FAM193B: variants seen among roughly 807,000 people sequenced by gnomAD.
FAM193B encodes the protein family with sequence similarity 193 member B.
FAM193B carries 27 observed loss-of-function variants against 70.7 expected under a neutral mutation model. The observed-to-expected ratio is 0.38, with a 90% CI of 0.28 to 0.53. The LOEUF is 0.53. Ranked by LOEUF, FAM193B falls within the 20% of genes least tolerant of loss-of-function variation. The pLI, the probability that FAM193B is intolerant of heterozygous loss-of-function variation, is 0.81. For missense variants in FAM193B, 1,022 were observed against 1,072.5 expected (o/e 0.95, Z 0.66); for synonymous variants, 448 against 436.0 (o/e 1.03, Z -0.34).
intron 4 of FAM193B, among the ~76,000 whole-genome samples, chr5:177,534,765 T>G (rs1763979395): frequency 1.3e-5 from 2 of 152,168 alleles, no homozygotes; most frequent in Admixed American, 6.5e-5. Flanking sequence ...ACTAGAGGCA[T>G]GCACATTATG....
At position 177,541,743 on chromosome 5, in the gene FAM193B, A is replaced by G. The variant is rs778264072; in HGVS notation, c.211-2596T>C. On this transcript the variant is annotated intron_variant, in intron 1 of 8. Coordinates refer to ENST00000514747, the MANE Select transcript of FAM193B (RefSeq NM_001190946.3). Reference sequence around the variant, plus strand: ...CTGAAATTCTTTATGTGGCCTATAAAGCACAATATACAGTCATCCCTTAGT... The same window carrying G: ...CTGAAATTCTTTATGTGGCCTATAAGGCACAATATACAGTCATCCCTTAGT... Among the ~76,000 whole-genome samples the G allele has an allele frequency of 5.3e-5, 8 of 152,138 alleles. No homozygotes were observed. The South Asian group carries it at 8.3e-4, about 16-fold the overall frequency.
Position 177,554,365 on chromosome 5 carries a change from G to A in FAM193B, c.94C>T (p.Pro32Ser), listed in dbSNP as rs971978846. 2.5e-5 allele frequency: 31 copies of A among 1,218,258 alleles called. No homozygotes were observed. The highest frequency in any genetic ancestry group is 3.2e-5 in the African/African-American group (2 of 63,312). 75.5% of individuals were successfully genotyped at this position (1,218,258 alleles called of 1,614,324 possible). A position where few individuals can be genotyped will look rare whatever the true frequency, so the allele number is the denominator to read the frequency against. Residue 32 changes from proline to serine, a missense_variant, in exon 1 of 9, where the codon CCG (proline) becomes TCG (serine). Transcript: ENST00000514747. ...CCCGCCTCCAGGCTTGGCGGCGGCG[G>A]GGGCTCGGGCGCCTGGGGCTTCTGC... is the stretch of plus-strand genomic sequence containing the variant. ...GPQKPQAPEP[P>S]PPPSLEAGAG...
chr5:177,543,930 C>T (rs1765133393), intron 1 of FAM193B, among the ~76,000 whole-genome samples: 1 of 152,232 alleles, frequency 6.6e-6, no homozygotes, highest in African/African-American at 2.4e-5. Flanking sequence ...TTTTCTTCAT[C>T]ACAAAGGCTG....
At chr5:177,535,848 T>G (rs1764099890) in intron 4 of FAM193B, among the ~76,000 whole-genome samples, 1 of 152,204 alleles carries the variant, frequency 6.6e-6, no homozygotes, top group Non-Finnish European at 1.5e-5. Context: ...GAAGACATTT[T>G]TTTCCTTATA....
chr5:177,531,224 T>C, intron 5 of FAM193B: 2 of 1,210,764 alleles, frequency 1.7e-6, no homozygotes, highest in Non-Finnish European at 2.1e-6. Flanking sequence ...GTCCTGGGGG[T>C]TGGGGCGAGG....
chr5:177,532,406 G>C lies in FAM193B; in HGVS notation c.1275+37C>G, dbSNP rs769460780. 2.5e-6 allele frequency: 4 copies of C among 1,581,082 alleles called. No individual in the cohort carries two copies. The South Asian group carries it at 3.5e-5, about 14-fold the overall frequency. On this transcript the variant is annotated intron_variant, in intron 5 of 8. Transcript: ENST00000514747. The surrounding 1 kb of genome is among the most constrained non-coding windows in gnomAD (Gnocchi z 4.9). ...GTGCTCCTTTTGCTCACCTTGGCTGGCCCCCAGCCCTCTCTAGCCTGGGCA... is the reference window on the plus strand; with the variant it reads ...GTGCTCCTTTTGCTCACCTTGGCTGCCCCCCAGCCCTCTCTAGCCTGGGCA...
At chr5:177,548,191 T>G (rs1011158639) in intron 1 of FAM193B, among the ~76,000 whole-genome samples, 6 of 152,224 alleles carry the variant, frequency 3.9e-5, no homozygotes, top group African/African-American at 1.4e-4. Flanking sequence ...ATCCTAACAC[T>G]CTTTTGTTTA....
At chr5:177,552,836 C>T (rs1766463307) in intron 1 of FAM193B, among the ~76,000 whole-genome samples, 1 of 152,180 alleles carries the variant, frequency 6.6e-6, no homozygotes, top group Non-Finnish European at 1.5e-5. Flanking sequence ...ATCTGAGACA[C>T]AAAGGAAATC....
chr5:177,538,859 G>A lies in FAM193B; in HGVS notation c.453+46C>T, dbSNP rs1764506293. The A allele has an allele frequency of 6.2e-7, 1 of 1,606,372 alleles. No homozygotes were observed. Among genetic ancestry groups the A allele is most frequent in the Admixed American group, 1.7e-5 (1 of 59,780 alleles). On this transcript the variant is annotated intron_variant, in intron 2 of 8. Transcript: ENST00000514747. The surrounding 1 kb of genome is among the most constrained non-coding windows in gnomAD (Gnocchi z 4.1). ...ACAGGGAACAGCCTGACTTCCTTGG[G>A]GAGGAGCCCTCCTGCATTCAGGGAC...
At position 177,536,234 on chromosome 5, in the gene FAM193B, T is replaced by C. The variant is rs770270520; in HGVS notation, c.1076+124A>G. On this transcript the variant is annotated intron_variant, in intron 4 of 8. Transcript: ENST00000514747. ...GGCCAAAACACATACTTCTTTACAA[T>C]TGAAAAATAATGAAAGGAAAGACAT... The C allele has an allele frequency of 4.3e-4, 481 of 1,128,106 alleles. 1 individual carries two copies. The highest frequency in any genetic ancestry group is 3.5e-4 in the Non-Finnish European group (272 of 787,332). The allele number at this position is 1,128,106 out of a possible 1,614,324, so 69.9% of individuals were successfully genotyped here.
At chr5:177,551,217 T>A (rs928168805) in intron 1 of FAM193B, among the ~76,000 whole-genome samples, 1 of 152,266 alleles carries the variant, frequency 6.6e-6, no homozygotes, top group Non-Finnish European at 1.5e-5. Context: ...AATCCAAGTC[T>A]CTAAACACTA....
intron 3 of FAM193B, 35 bp downstream of exon 3, chr5:177,537,838 T>C (rs748664313): frequency 9.5e-6 from 15 of 1,578,390 alleles, no homozygotes; most frequent in Admixed American, 5.5e-5. Context: ...TCCACATTTA[T>C]AGGGCCTGGC....
At chr5:177,523,475 C>T (rs1191198763) in intron 7 of FAM193B, among the ~76,000 whole-genome samples, 1 of 152,102 alleles carries the variant, frequency 6.6e-6, no homozygotes, top group African/African-American at 2.4e-5. Context: ...ACCTTTTCAT[C>T]TTATCTGGCC....
intron 1 of FAM193B, among the ~76,000 whole-genome samples, chr5:177,550,052 C>T (rs1447818571): frequency 6.6e-6 from 1 of 152,078 alleles, no homozygotes; most frequent in East Asian, 1.9e-4. Context: ...TAGTGGCATG[C>T]ACATGTAGTC....
At chr5:177,551,548 T>C (rs1355906195) in intron 1 of FAM193B, among the ~76,000 whole-genome samples, 2 of 152,238 alleles carry the variant, frequency 1.3e-5, no homozygotes, top group Non-Finnish European at 2.9e-5. Flanking sequence ...GACTACTGAT[T>C]ACTGCCTTGT....
chr5:177,537,834 T>C (rs1223362108), intron 3 of FAM193B, 39 bp downstream of exon 3: 1 of 1,574,922 alleles, frequency 6.3e-7, no homozygotes, highest in Non-Finnish European at 8.6e-7. Context: ...GCTGTCCACA[T>C]TTATAGGGCC....
chr5:177,520,935 A>C (rs1243830529), intron 8 of FAM193B, among the ~76,000 whole-genome samples: 1 of 152,226 alleles, frequency 6.6e-6, no homozygotes, highest in African/African-American at 2.4e-5. Context: ...AGGGAGCCCC[A>C]GCTCTGAAGG....
At chr5:177,553,929 A>C in intron 1 of FAM193B, 1 of 1,226,816 alleles carries the variant, frequency 8.2e-7, no homozygotes, top group Non-Finnish European at 1.0e-6. Context: ...GCGGGCCGAG[A>C]GCGGAGCTGC....
intron 1 of FAM193B, among the ~76,000 whole-genome samples, chr5:177,552,354 C>T (rs1028346845): frequency 6.6e-6 from 1 of 152,272 alleles, no homozygotes; most frequent in Non-Finnish European, 1.5e-5. Flanking sequence ...ATGTAAAGTG[C>T]CTGGCACAAA....
Sources: allele counts gnomAD v4.1 joint callset (sites outside exome capture counted in the v4.1 genomes callset), GRCh38; gene constraint gnomAD v4.1.1; non-coding constraint Gnocchi (gnomAD v3.1); transcripts MANE v1.5; gene names NCBI Gene and HGNC (gene_info 2026-07-23, HGNC 2026-07-21).